RTN1: variants seen among roughly 807,000 people sequenced by gnomAD.
RTN1 encodes the protein reticulon 1.
A neutral mutation model predicts 65.5 loss-of-function variants in RTN1; 25 were observed. The ratio of observed to expected loss-of-function variants is 0.38; its 90% CI spans 0.28 to 0.53. The LOEUF (loss-of-function observed/expected upper bound fraction) is 0.53, where lower values mean the gene tolerates loss of function less well. Ranked by LOEUF, RTN1 falls within the 20% of genes least tolerant of loss-of-function variation. RTN1 has a pLI of 0.79. For missense variants in RTN1, 983 were observed against 1,025.4 expected, an observed-to-expected ratio of 0.96 and a Z score of 0.57; for synonymous variants, 471 against 447.6, an observed-to-expected ratio of 1.05 and a Z score of -0.66.
chr14:59,602,751 C>T (rs149568867), intron 8 of RTN1, among the ~76,000 whole-genome samples: 1 of 152,140 alleles, frequency 6.6e-6, no homozygotes, highest in African/African-American at 2.4e-5. Context: ...TTTTTTGAAT[C>T]AAGTTTCCTT....
At chr14:59,710,732 C>T (rs1285253093) in intron 3 of RTN1, among the ~76,000 whole-genome samples, 1 of 152,196 alleles carries the variant, frequency 6.6e-6, no homozygotes, top group Non-Finnish European at 1.5e-5. Context: ...GGGGGCTGAT[C>T]CACAAAGGAC....
chr14:59,691,887 C>T (rs1200050231), intron 3 of RTN1, among the ~76,000 whole-genome samples: 1 of 152,094 alleles, frequency 6.6e-6, no homozygotes, highest in Non-Finnish European at 1.5e-5. Flanking sequence ...TCCAACATTG[C>T]TTTATGATAA....
chr14:59,822,290 G>A (rs1886957491), intron 1 of RTN1, among the ~76,000 whole-genome samples: 1 of 152,092 alleles, frequency 6.6e-6, no homozygotes, highest in Admixed American at 6.5e-5. Flanking sequence ...TTTCTAGTTT[G>A]TGTACACAGA....
chr14:59,843,072 G>A (rs1329258809), intron 1 of RTN1, among the ~76,000 whole-genome samples: 2 of 152,258 alleles, frequency 1.3e-5, no homozygotes, highest in South Asian at 2.1e-4. Context: ...CTTTAAAAAA[G>A]TCCCAAATAT....
intron 1 of RTN1, among the ~76,000 whole-genome samples, chr14:59,782,867 G>A (rs550404226): frequency 2.6e-5 from 4 of 152,132 alleles, no homozygotes; most frequent in African/African-American, 9.6e-5. Context: ...ATTATTTAAA[G>A]TGCTACAGGA....
At chr14:59,610,212 C>G in intron 3 of RTN1, 3 of 729,446 alleles carry the variant, frequency 4.1e-6, no homozygotes, top group Non-Finnish European at 7.6e-6. Context: ...GCAGGCACTT[C>G]ATGGACTTTC....
chr14:59,723,471 G>A (rs189089894), intron 3 of RTN1, among the ~76,000 whole-genome samples: 32 of 151,778 alleles, frequency 2.1e-4, no homozygotes, highest in South Asian at 1.3e-3. Context: ...AAAATTAGCC[G>A]GGCGTGGTGG....
intron 1 of RTN1, among the ~76,000 whole-genome samples, chr14:59,856,725 G>A (rs1197676430): frequency 6.6e-6 from 1 of 152,130 alleles, no homozygotes; most frequent in African/African-American, 2.4e-5. Context: ...GTCCAGCTTG[G>A]CACAGCAAGC....
At chr14:59,603,799 G>A (rs377325291) in intron 6 of RTN1, 53 bp downstream of exon 6, 1 of 1,430,090 alleles carries the variant, frequency 7.0e-7, no homozygotes. Context: ...CTAGGAAGCA[G>A]CGTTTTCACA....
chr14:59,725,955 T>C (rs1171239688), intron 3 of RTN1, among the ~76,000 whole-genome samples: 1 of 152,098 alleles, frequency 6.6e-6, no homozygotes, highest in African/African-American at 2.4e-5. Context: ...GTAGAAGAGA[T>C]GGGTGGGAGG....
intron 1 of RTN1, among the ~76,000 whole-genome samples, chr14:59,806,264 A>AT (rs1233381978): frequency 1.3e-5 from 2 of 150,986 alleles, no homozygotes; most frequent in African/African-American, 2.4e-5. Context: ...AATTATTATT[A>AT]TATATATTTG....
At chr14:59,746,964 G>T (rs545640576) in intron 1 of RTN1, among the ~76,000 whole-genome samples, 1 of 152,266 alleles carries the variant, frequency 6.6e-6, no homozygotes, top group South Asian at 2.1e-4. Flanking sequence ...GAGCCTCAAA[G>T]AACCCACCTG....
intron 1 of RTN1, among the ~76,000 whole-genome samples, chr14:59,819,901 G>A (rs1352166431): frequency 6.6e-6 from 1 of 152,172 alleles, no homozygotes; most frequent in Non-Finnish European, 1.5e-5. Context: ...CCAGAACTCA[G>A]CCCTGGTTCC....
rs947304228 is a variant in RTN1 at position 59,650,562 on chromosome 14, C to T, written c.1766-43070G>A. On this transcript the variant is annotated intron_variant, in intron 3 of 8. Transcript: ENST00000267484. ...CTGATAAACAACTTCAGCAAAATCTCAGGATACAAAATCAATGTATAAAAA... is the reference window on the plus strand; with the variant it reads ...CTGATAAACAACTTCAGCAAAATCTTAGGATACAAAATCAATGTATAAAAA... Among the ~76,000 whole-genome samples, 50 of 152,162 alleles carry T rather than the reference C, an allele frequency of 3.3e-4. 1 individual carries two copies. The highest frequency in any genetic ancestry group is 6.6e-4 in the Admixed American group (10 of 15,266).
At chr14:59,867,206 A>G (rs979385576) in intron 1 of RTN1, among the ~76,000 whole-genome samples, 9 of 152,224 alleles carry the variant, frequency 5.9e-5, no homozygotes, top group Non-Finnish European at 1.2e-4. Context: ...ACAAAGGACC[A>G]TTCTTTTTTC....
intron 3 of RTN1, among the ~76,000 whole-genome samples, chr14:59,720,179 G>A (rs1395187886): frequency 1.3e-5 from 2 of 151,926 alleles, no homozygotes; most frequent in African/African-American, 4.8e-5. Flanking sequence ...ATAAGTGCTG[G>A]AGCCACCAAG....
intron 1 of RTN1, among the ~76,000 whole-genome samples, chr14:59,821,143 T>A (rs1263281181): frequency 6.6e-6 from 1 of 152,210 alleles, no homozygotes; most frequent in Non-Finnish European, 1.5e-5. Flanking sequence ...CTGTGCATGA[T>A]CATGAAATGT....
At chr14:59,634,677 G>T (rs1882626553) in intron 3 of RTN1, among the ~76,000 whole-genome samples, 1 of 152,110 alleles carries the variant, frequency 6.6e-6, no homozygotes, top group Non-Finnish European at 1.5e-5. Flanking sequence ...GTCCAGAGGG[G>T]GAAAATTTTA....
At chr14:59,617,014 T>G (rs1050652605) in intron 3 of RTN1, among the ~76,000 whole-genome samples, 1 of 152,246 alleles carries the variant, frequency 6.6e-6, no homozygotes, top group Non-Finnish European at 1.5e-5. Flanking sequence ...TTGAAAACTA[T>G]TTGTTAATAT....
Sources: gnomAD v4.1 joint callset for allele counts (sites outside exome capture counted in the v4.1 genomes callset) on GRCh38, gnomAD v4.1.1 for gene constraint, MANE v1.5 for transcripts, NCBI Gene and HGNC (gene_info 2026-07-23, HGNC 2026-07-21) for gene names.